Variants in PCDH9 observed in about 807,000 individuals in gnomAD.
PCDH9 encodes the protein protocadherin-9.
In PCDH9, 24 loss-of-function variants were observed where a neutral mutation model predicts 70.6. The ratio of observed to expected loss-of-function variants is 0.34; its 90% CI spans 0.25 to 0.48. The LOEUF is 0.48. Among genes scored for constraint, PCDH9 ranks in the 20% least tolerant of loss-of-function variants. PCDH9 has a pLI of 0.99. For synonymous variants in PCDH9, 562 were observed against 558.5 expected (o/e 1.01, Z -0.09); for missense variants, 1,281 against 1,503.6 (o/e 0.85, Z 2.45).
At chr13:66,589,413 G>A (rs7996267) in intron 4 of PCDH9, among the ~76,000 whole-genome samples, 20,987 of 151,976 alleles carry the variant, frequency 0.14, 1,715 homozygotes, top group Middle Eastern at 0.22. Flanking sequence ...TAATTACCCC[G>A]ATCTGATCAT....
chr13:66,761,031 A>G (rs1250789896), intron 3 of PCDH9, among the ~76,000 whole-genome samples: 1 of 152,122 alleles, frequency 6.6e-6, no homozygotes, highest in Non-Finnish European at 1.5e-5. Context: ...ATGGACCTTC[A>G]TCAGTAATTC....
intron 4 of PCDH9, among the ~76,000 whole-genome samples, chr13:66,488,441 A>AG (rs1393245218): frequency 3.3e-5 from 5 of 152,204 alleles, no homozygotes; most frequent in African/African-American, 1.2e-4. Context: ...TACAAAGCCC[A>AG]GGGAAAAAAC....
Position 66,881,827 on chromosome 13 carries a change from T to C in PCDH9, c.3138+21677A>G, listed in dbSNP as rs116086347. Among the ~76,000 whole-genome samples the C allele has an allele frequency of 9.4e-3, 1,439 of 152,276 alleles. 23 individuals carry two copies. The highest frequency in any genetic ancestry group is 0.032 in the African/African-American group (1,333 of 41,560). ...ACAAAGAAATAAAACAGTGTGTATA[T>C]GGAATTTGGGGAAGGAAATATCTCT... is the stretch of plus-strand genomic sequence containing the variant. On this transcript the variant is annotated intron_variant, in intron 3 of 4. Transcript: ENST00000377865.
intron 3 of PCDH9, among the ~76,000 whole-genome samples, chr13:66,849,197 T>C (rs1489962638): frequency 6.6e-6 from 1 of 151,978 alleles, no homozygotes; most frequent in African/African-American, 2.4e-5. Context: ...CCAATATTAC[T>C]ATAACCACTA....
chr13:66,977,526 C>T (rs2083645307), intron 2 of PCDH9: 1 of 152,026 alleles, frequency 6.6e-6, no homozygotes, highest in South Asian at 2.1e-4. Flanking sequence ...TAAGTTATTG[C>T]CCAAGGTAGG....
At chr13:67,185,864 C>T (rs917666969) in intron 2 of PCDH9, among the ~76,000 whole-genome samples, 2 of 152,142 alleles carry the variant, frequency 1.3e-5, no homozygotes, top group Non-Finnish European at 2.9e-5. Context: ...TCCCAAGTAG[C>T]TGGGATTACA....
chr13:67,105,706 T>A (rs1055066696), intron 2 of PCDH9, among the ~76,000 whole-genome samples: 1 of 152,008 alleles, frequency 6.6e-6, no homozygotes, highest in Non-Finnish European at 1.5e-5. Context: ...GGCAATTAAA[T>A]TTATACATAT....
At chr13:67,191,436 C>T (rs376015351) in intron 2 of PCDH9, among the ~76,000 whole-genome samples, 14 of 152,210 alleles carry the variant, frequency 9.2e-5, no homozygotes, top group African/African-American at 3.1e-4. Context: ...TAAATCACTA[C>T]TTTGTTCACA....
chr13:67,076,833 T>C (rs1330643987), intron 2 of PCDH9, among the ~76,000 whole-genome samples: 2 of 152,196 alleles, frequency 1.3e-5, no homozygotes, highest in Non-Finnish European at 2.9e-5. Context: ...AGTTTAATTT[T>C]CCTATTTGAA....
At chr13:66,549,290 G>A (rs1961361823) in intron 4 of PCDH9, among the ~76,000 whole-genome samples, 1 of 151,974 alleles carries the variant, frequency 6.6e-6, no homozygotes, top group African/African-American at 2.4e-5. Context: ...TGAGGGGAGG[G>A]GGAAGGATTA....
intron 4 of PCDH9, among the ~76,000 whole-genome samples, chr13:66,569,257 A>G (rs1453936973): frequency 6.6e-6 from 1 of 151,814 alleles, no homozygotes; most frequent in East Asian, 1.9e-4. Context: ...ACCTCAAATG[A>G]CCCACCTGCC....
At position 67,140,160 on chromosome 13, in the gene PCDH9, A is replaced by G. The variant is rs548096131; in HGVS notation, c.3036+85245T>C. On this transcript the variant is annotated intron_variant, in intron 2 of 4. Transcript: ENST00000377865. Reference sequence around the variant, plus strand: ...TTTATGACAAGAACACTTTTAGTCAATTATTGTCTGAAATACTAAATGTAC... The same window carrying G: ...TTTATGACAAGAACACTTTTAGTCAGTTATTGTCTGAAATACTAAATGTAC... 7.9e-5 allele frequency among the ~76,000 whole-genome samples: 12 copies of G among 151,970 alleles called. No individual in the cohort carries two copies. In the East Asian group the frequency reaches 2.3e-3, roughly 30 times the overall value.
intron 4 of PCDH9, among the ~76,000 whole-genome samples, chr13:66,418,541 A>G (rs1198213199): frequency 6.6e-6 from 1 of 152,198 alleles, no homozygotes; most frequent in African/African-American, 2.4e-5. Flanking sequence ...TTTGAAGCCA[A>G]TGAGAACAAA....
intron 2 of PCDH9, among the ~76,000 whole-genome samples, chr13:67,167,490 A>T (rs11838755): frequency 6.6e-6 from 1 of 152,148 alleles, no homozygotes; most frequent in Non-Finnish European, 1.5e-5. Flanking sequence ...AAGTTTGATG[A>T]AGCCACTTTT....
chr13:66,849,979 C>T (rs944779265), intron 3 of PCDH9, among the ~76,000 whole-genome samples: 1 of 152,086 alleles, frequency 6.6e-6, no homozygotes, highest in Non-Finnish European at 1.5e-5. Context: ...CAGTCCCTAG[C>T]GGCCACTTAA....
intron 2 of PCDH9, among the ~76,000 whole-genome samples, chr13:67,004,765 G>A (rs888543510): frequency 7.9e-5 from 12 of 151,958 alleles, no homozygotes; most frequent in Non-Finnish European, 1.5e-4. Context: ...AGTTTTCTTG[G>A]CAGAAAGTAG....
chr13:67,070,636 A>C (rs1044166989), intron 2 of PCDH9, among the ~76,000 whole-genome samples: 2 of 152,182 alleles, frequency 1.3e-5, no homozygotes, highest in Non-Finnish European at 1.5e-5. Flanking sequence ...CCACTGATTA[A>C]ATTATACAGA....
At chr13:66,467,590 C>A (rs760523350) in intron 4 of PCDH9, among the ~76,000 whole-genome samples, 11 of 151,972 alleles carry the variant, frequency 7.2e-5, no homozygotes, top group Non-Finnish European at 1.3e-4. Context: ...TTCTTTTATC[C>A]CATTATCTAA....
At position 66,542,674 on chromosome 13, in the gene PCDH9, T is replaced by A. The variant is rs547810556; in HGVS notation, c.3340+88536A>T. Among the ~76,000 whole-genome samples the A allele has an allele frequency of 4.2e-3, 517 of 123,088 alleles. 6 individuals are homozygous for A. The highest frequency in any genetic ancestry group is 0.014 in the African/African-American group (498 of 36,780). The allele number at this position is 123,088 out of a possible 152,430, so 80.8% of individuals were successfully genotyped here. On this transcript the variant is annotated intron_variant, in intron 4 of 4. Coordinates refer to ENST00000377865, the MANE Select transcript of PCDH9 (RefSeq NM_203487.3). ...ACATTAAAGTCAAATATATATATAT[T>A]TAAATATATATATGTTTAAATATAT...
Sources: allele counts gnomAD v4.1 joint callset (sites outside exome capture counted in the v4.1 genomes callset), GRCh38; gene constraint gnomAD v4.1.1; transcripts MANE v1.5; gene names NCBI Gene and HGNC (gene_info 2026-07-23, HGNC 2026-07-21).